The following COPG2 variants were observed in gnomAD, a reference collection of about 807,000 sequenced individuals.
The protein encoded by COPG2 is coat protein complex I subunit gamma 2.
Under a neutral mutation model 46.3 loss-of-function variants are expected in COPG2, and 37 were observed. The observed-to-expected ratio is 0.80, with a 90% CI of 0.61 to 1.05. The LOEUF is 1.05. COPG2 is among the 50% of genes least tolerant of loss of function. COPG2 has a pLI of 0.00. For synonymous variants in COPG2, 159 were observed against 129.7 expected, an observed-to-expected ratio of 1.23 and a Z score of -1.53; for missense variants, 427 against 387.8, an observed-to-expected ratio of 1.10 and a Z score of -0.85.
In COPG2 at chr7:130,641,232, AAAG is replaced by A. The variant is rs576881687; in HGVS notation, c.323+11634_323+11636del. On this transcript the variant is annotated intron_variant, in intron 5 of 23. Coordinates refer to ENST00000425248, the MANE Select transcript of COPG2 (RefSeq NM_012133.6). The stretch of plus-strand genomic sequence containing the variant: ...AGAAGACAATGACTAATCTGTCAAG[AAAG>A]AAGAAGAAGGAAGTCAGTACCTATA... Among the ~76,000 whole-genome samples, 338 of 152,026 alleles carry A rather than the reference AAAG, an allele frequency of 2.2e-3. 1 individual carries two copies. The highest frequency in any genetic ancestry group is 2.1e-3 in the Non-Finnish European group (146 of 67,980).
rs556213397 is a variant in COPG2 at position 130,609,979 on chromosome 7, T to C, written c.737+974A>G. The C allele has an allele frequency of 6.4e-6, 3 of 471,558 alleles. No individual in the cohort carries two copies. In the East Asian group the frequency reaches 1.8e-4, roughly 28 times the overall value. The allele number at this position is 471,558 out of a possible 1,614,324, so 29.2% of individuals were successfully genotyped here. ...TACAAAACTCCTTTGGTGTTCACTT[T>C]AGAGAAGTTGTTTAAAAGTCACTGC... is the stretch of plus-strand genomic sequence containing the variant. On this transcript the variant is annotated intron_variant, in intron 9 of 23. Coordinates refer to ENST00000425248, the MANE Select transcript of COPG2 (RefSeq NM_012133.6).
rs1260181024 is a variant in COPG2, at chr7:130,564,381, T to C, written c.750A>G (p.Pro250=). 7.5e-6 allele frequency: 3 copies of C among 398,412 alleles called. No homozygotes were observed. Among genetic ancestry groups the C allele is most frequent in the Non-Finnish European group, 1.3e-5 (3 of 226,044 alleles). The allele number at this position is 398,412 out of a possible 1,614,324, so 24.7% of individuals were successfully genotyped here. The part of the protein sequence containing the change: ...LKETEDGHES[P]LFDFIESCLR... The stretch of plus-strand genomic sequence containing the variant: ...AGCAGCTCTCAATGAAATCAAACAG[T>C]GGACTTTCATGGCTGCCAATAAATA... Residue 250 remains proline (P), a synonymous_variant, in exon 10 of 24, where the codon CCA becomes CCG. Coordinates refer to ENST00000425248, the MANE Select transcript of COPG2 (RefSeq NM_012133.6).
At chr7:130,534,432 A>T (rs1272018884) in intron 20 of COPG2, among the ~76,000 whole-genome samples, 2 of 152,132 alleles carry the variant, frequency 1.3e-5, no homozygotes, top group Admixed American at 1.3e-4. Context: ...TTTGCTATCC[A>T]AGAGTGGGAG....
At chr7:130,553,346 T>C (rs1793563687) in intron 14 of COPG2, among the ~76,000 whole-genome samples, 2 of 152,270 alleles carry the variant, frequency 1.3e-5, no homozygotes, top group Admixed American at 1.3e-4. Flanking sequence ...CTTTTCTTTT[T>C]TTTTTAGCAG....
chr7:130,560,381 A>G (rs1584973621), intron 12 of COPG2, among the ~76,000 whole-genome samples: 1 of 152,192 alleles, frequency 6.6e-6, no homozygotes, highest in Admixed American at 6.5e-5. Context: ...TTCATGAAAT[A>G]GAAAAATAAT....
At chr7:130,579,387 C>A (rs1281274023) in intron 9 of COPG2, among the ~76,000 whole-genome samples, 17 of 150,222 alleles carry the variant, frequency 1.1e-4, no homozygotes, top group African/African-American at 3.7e-4. Context: ...CCAGCCACTG[C>A]AAAATCATGC....
intron 5 of COPG2, among the ~76,000 whole-genome samples, chr7:130,618,100 C>CAAAAAA (rs10695449): frequency 0.21 from 13,777 of 64,210 alleles, 2,469 homozygotes; most frequent in Middle Eastern, 0.28. Flanking sequence ...GACCCTGTCT[C>CAAAAAA]AAAAAAAAAA....
chr7:130,506,781 T>C lies in COPG2; in HGVS notation c.2511A>G (p.Leu837=), dbSNP rs1554440186. 1 of 779,924 alleles carries C rather than the reference T, an allele frequency of 1.3e-6. No individual in the cohort carries two copies. Among genetic ancestry groups the C allele is most frequent in the Non-Finnish European group, 2.4e-6 (1 of 417,470 alleles). The allele number at this position is 779,924 out of a possible 1,614,324, so 48.3% of individuals were successfully genotyped here. Residue 837 remains leucine (L), a synonymous_variant, in exon 24 of 24, where the codon TTA becomes TTG. Transcript: ENST00000425248. ...LAGIFRGGYD[L]LVRSRLALAD... is the part of the protein sequence containing the mutation. ...CTAAGGCCAGCCTGGACCTCACCAA[T>C]AAATCATAGCCACCTCTGAATATAC...
intron 11 of COPG2, 36 bp from the exon 12 acceptor site, chr7:130,561,257 G>C: frequency 2.5e-6 from 1 of 398,450 alleles, no homozygotes; most frequent in Non-Finnish European, 4.4e-6. Flanking sequence ...TAAGCAAATT[G>C]CTTTTGATAA....
chr7:130,619,563 T>A (rs1795003277), intron 5 of COPG2, among the ~76,000 whole-genome samples: 1 of 152,214 alleles, frequency 6.6e-6, no homozygotes, highest in South Asian at 2.1e-4. Flanking sequence ...GATTATAACA[T>A]TTACATTCTA....
chr7:130,586,007 T>A (rs1794260428), intron 9 of COPG2, among the ~76,000 whole-genome samples: 1 of 152,036 alleles, frequency 6.6e-6, no homozygotes. Flanking sequence ...ATAAAAAAGA[T>A]ACTTCACACA....
intron 9 of COPG2, among the ~76,000 whole-genome samples, chr7:130,578,729 A>G (rs1794067370): frequency 6.6e-6 from 1 of 152,204 alleles, no homozygotes; most frequent in Non-Finnish European, 1.5e-5. Context: ...AATGCGATCA[A>G]CTGGAAGAAA....
chr7:130,580,334 G>A lies in COPG2; in HGVS notation c.738-15941C>T, dbSNP rs1200420777. ...CACAACATACCAGAATCTCTGGGAC[G>A]CATTCAAAGCAGTGTGTAGAGGGAA... On this transcript the variant is annotated intron_variant, in intron 9 of 23. Transcript: ENST00000425248. Among the ~76,000 whole-genome samples the A allele has an allele frequency of 9.5e-4, 126 of 131,986 alleles. 1 individual carries two copies. The highest frequency in any genetic ancestry group is 3.7e-3 in the Middle Eastern group (1 of 268). 86.6% of individuals were successfully genotyped at this position (131,986 alleles called of 152,430 possible).
intron 9 of COPG2, among the ~76,000 whole-genome samples, chr7:130,595,113 A>C (rs1022434381): frequency 1.3e-5 from 2 of 152,236 alleles, no homozygotes; most frequent in African/African-American, 4.8e-5. Flanking sequence ...AATACGAGCC[A>C]AATGTCCATC....
chr7:130,516,079 G>A lies in COPG2; in HGVS notation c.2150-7420C>T, dbSNP rs1023852775. Among the ~76,000 whole-genome samples the A allele has an allele frequency of 1.6e-3, 249 of 152,232 alleles. 1 individual carries two copies. The highest frequency in any genetic ancestry group is 2.7e-3 in the Non-Finnish European group (185 of 68,012). On this transcript the variant is annotated intron_variant, in intron 20 of 23. Transcript: ENST00000425248. The stretch of plus-strand genomic sequence containing the variant: ...TATGGAACTGACATACACAGTCTCT[G>A]AATGAAGGAGGGATACTGAATATAG...
intron 5 of COPG2, among the ~76,000 whole-genome samples, chr7:130,646,914 T>A (rs1465583510): frequency 9.3e-6 from 1 of 107,314 alleles, no homozygotes; most frequent in Admixed American, 1.1e-4. Context: ...TCTCGGATAG[T>A]GTGTGTTTGT....
intron 9 of COPG2, chr7:130,603,945 G>A: frequency 2.2e-6 from 1 of 461,220 alleles, no homozygotes; most frequent in Non-Finnish European, 4.3e-6. Context: ...TATGTTATAT[G>A]TAATATATAT....
At chr7:130,603,281 T>G (rs1414883827) in intron 9 of COPG2, among the ~76,000 whole-genome samples, 1 of 152,234 alleles carries the variant, frequency 6.6e-6, no homozygotes, top group Admixed American at 6.5e-5. Context: ...ATGTATTCAT[T>G]TGTGTATGAC....
chr7:130,621,052 C>G (rs1178250485), intron 5 of COPG2, among the ~76,000 whole-genome samples: 2 of 152,062 alleles, frequency 1.3e-5, no homozygotes, highest in African/African-American at 4.8e-5. Flanking sequence ...ACAAGTGTCC[C>G]CATAAGAGCA....
Sources: allele counts gnomAD v4.1 joint callset (sites outside exome capture counted in the v4.1 genomes callset), GRCh38; gene constraint gnomAD v4.1.1; transcripts MANE v1.5; gene names NCBI Gene and HGNC (gene_info 2026-07-23, HGNC 2026-07-21).